Variants in CWF19L2 observed in about 807,000 individuals in gnomAD.
CWF19L2 encodes CWF19-like protein 2.
In CWF19L2, 98 loss-of-function variants were observed where a neutral mutation model predicts 111.7. The observed-to-expected ratio is 0.88, with a 90% CI of 0.75 to 1.04. The LOEUF (loss-of-function observed/expected upper bound fraction) is 1.04, where lower values mean the gene tolerates loss of function less well. CWF19L2 is among the 50% of genes least tolerant of loss of function. The pLI is 0.00. For missense variants in CWF19L2, 1,101 were observed against 1,051.4 expected, an observed-to-expected ratio of 1.05 and a Z score of -0.65; for synonymous variants, 351 against 342.9, an observed-to-expected ratio of 1.02 and a Z score of -0.26.
chr11:107,409,317 T>G (rs908304343), intron 10 of CWF19L2, among the ~76,000 whole-genome samples: 28 of 152,228 alleles, frequency 1.8e-4, no homozygotes, highest in South Asian at 4.1e-4. Context: ...GTTTATTTAT[T>G]AATGTTTCTC....
intron 8 of CWF19L2, among the ~76,000 whole-genome samples, chr11:107,422,513 T>C (rs1861316563): frequency 6.6e-6 from 1 of 151,970 alleles, no homozygotes; most frequent in South Asian, 2.1e-4. Context: ...TGAGAACATA[T>C]GCATTTCAAA....
intron 8 of CWF19L2, among the ~76,000 whole-genome samples, chr11:107,425,399 A>AT (rs1861361429): frequency 1.3e-5 from 2 of 152,030 alleles, no homozygotes; most frequent in South Asian, 4.1e-4. Context: ...TTATGTTTAG[A>AT]TACACAAATA....
At chr11:107,440,559 ACT>A (rs1199146106) in intron 5 of CWF19L2, among the ~76,000 whole-genome samples, 1 of 152,124 alleles carries the variant, frequency 6.6e-6, no homozygotes, top group Non-Finnish European at 1.5e-5. Flanking sequence ...TGGTCTTAAG[ACT>A]CTCAAAAATA....
chr11:107,342,584 A>C (rs181040841), intron 14 of CWF19L2, among the ~76,000 whole-genome samples: 4 of 152,210 alleles, frequency 2.6e-5, no homozygotes, highest in African/African-American at 7.2e-5. Flanking sequence ...GATAGAGTCT[A>C]TGCTCTGAAA....
chr11:107,414,821 A>T (rs1861203365), intron 10 of CWF19L2, among the ~76,000 whole-genome samples: 1 of 152,194 alleles, frequency 6.6e-6, no homozygotes, highest in Non-Finnish European at 1.5e-5. Context: ...ATATATACAT[A>T]AAGTATTTAT....
intron 10 of CWF19L2, chr11:107,403,549 A>AG: frequency 1.2e-6 from 1 of 800,220 alleles, no homozygotes; most frequent in Non-Finnish European, 2.3e-6. Flanking sequence ...CCTCAGTAGT[A>AG]GACGTGCCTT....
At chr11:107,434,958 G>A (rs1297626892) in intron 6 of CWF19L2, among the ~76,000 whole-genome samples, 1 of 151,904 alleles carries the variant, frequency 6.6e-6, no homozygotes, top group African/African-American at 2.4e-5. Flanking sequence ...GTGTATTTAT[G>A]TACATATATA....
At chr11:107,432,525 G>A (rs1378937115) in intron 7 of CWF19L2, among the ~76,000 whole-genome samples, 1 of 152,244 alleles carries the variant, frequency 6.6e-6, no homozygotes, top group East Asian at 1.9e-4. Flanking sequence ...AGAGGTTGCA[G>A]TGAGCTGAGA....
At chr11:107,331,670 T>A (rs1196842403) in intron 16 of CWF19L2, among the ~76,000 whole-genome samples, 1 of 152,248 alleles carries the variant, frequency 6.6e-6, no homozygotes, top group Non-Finnish European at 1.5e-5. Context: ...AATAAATCTA[T>A]GGCGTTTTAG....
At position 107,353,746 on chromosome 11, in the gene CWF19L2, C is replaced by CG. The variant is rs1565249405; in HGVS notation, c.1873-11_1873-10insC. ...CTGTTTTTCCCATAAACTGAAAAAC[C>CG]AAAATAACAGTAATAGAGAGTAGAA... On this transcript the variant is annotated splice_polypyrimidine_tract_variant and intron_variant, in intron 12 of 17. Coordinates refer to ENST00000282251, the MANE Select transcript of CWF19L2 (RefSeq NM_152434.3). 1.2e-6 allele frequency: 2 copies of CG among 1,607,560 alleles called. No homozygotes were observed. The highest frequency in any genetic ancestry group is 2.2e-5 in the South Asian group (2 of 90,884).
At chr11:107,436,268 T>C (rs950087833) in intron 6 of CWF19L2, among the ~76,000 whole-genome samples, 3 of 152,028 alleles carry the variant, frequency 2.0e-5, no homozygotes, top group Non-Finnish European at 4.4e-5. Flanking sequence ...CAAATAATTA[T>C]ATAAATTCAC....
At chr11:107,335,108 T>C in intron 15 of CWF19L2, 147 bp from the exon 16 acceptor site, 1 of 500,098 alleles carries the variant, frequency 2.0e-6, no homozygotes, top group Non-Finnish European at 3.5e-6. Flanking sequence ...TTTTAGTTAT[T>C]TAAAATAAGA....
At chr11:107,434,703 C>G (rs937588109) in intron 6 of CWF19L2, among the ~76,000 whole-genome samples, 1 of 142,410 alleles carries the variant, frequency 7.0e-6, no homozygotes, top group Non-Finnish European at 1.5e-5. Context: ...AAAACTACAA[C>G]TATATACAAC....
At position 107,326,557 on chromosome 11, in the gene CWF19L2, C is replaced by T. The variant is rs1859763461; in HGVS notation, c.*353G>A. On this transcript the variant is annotated 3_prime_UTR_variant, in exon 18 of 18. Transcript: ENST00000282251. Reference sequence around the variant, plus strand: ...GTAGACTTAACAACCATGAAGCAGACCCACTTCCCTCTGAACCAAGGATTT... The same window carrying T: ...GTAGACTTAACAACCATGAAGCAGATCCACTTCCCTCTGAACCAAGGATTT... 1.1e-5 allele frequency: 2 copies of T among 174,612 alleles called. No individual in the cohort carries two copies. Among genetic ancestry groups the T allele is most frequent in the African/African-American group, 4.7e-5 (2 of 42,510 alleles). 10.8% of individuals were successfully genotyped at this position (174,612 alleles called of 1,614,324 possible).
chr11:107,340,985 T>C lies in CWF19L2; in HGVS notation c.2203-4272A>G, dbSNP rs1480098022. Among the ~76,000 whole-genome samples, 5 of 152,220 alleles carry C rather than the reference T, an allele frequency of 3.3e-5. No homozygotes were observed. In the South Asian group the frequency reaches 1.0e-3, roughly 32 times the overall value. On this transcript the variant is annotated intron_variant, in intron 14 of 17. Coordinates refer to ENST00000282251, the MANE Select transcript of CWF19L2 (RefSeq NM_152434.3). ...TCTTCCAAATCAATTCTCATGGCAT[T>C]TTTGAGATCTTTTACAGACAACTGC...
chr11:107,353,032 T>C (rs976707), intron 13 of CWF19L2, among the ~76,000 whole-genome samples: 33,067 of 152,062 alleles, frequency 0.22, 3,843 homozygotes, highest in African/African-American at 0.29. Flanking sequence ...ATTTTATGCA[T>C]CTTTACTAAA....
intron 16 of CWF19L2, among the ~76,000 whole-genome samples, chr11:107,333,221 C>A (rs1156274085): frequency 6.6e-6 from 1 of 152,090 alleles, no homozygotes; most frequent in East Asian, 1.9e-4. Flanking sequence ...TCTTTGAAAT[C>A]CTTTAAAACT....
At chr11:107,379,014 A>C (rs1363052497) in intron 12 of CWF19L2, among the ~76,000 whole-genome samples, 1 of 152,146 alleles carries the variant, frequency 6.6e-6, no homozygotes, top group Admixed American at 6.5e-5. Flanking sequence ...AGATAGTAGT[A>C]CTACACAATG....
intron 12 of CWF19L2, among the ~76,000 whole-genome samples, chr11:107,375,926 G>A (rs1194411121): frequency 8.6e-5 from 6 of 69,654 alleles, no homozygotes; most frequent in East Asian, 3.8e-4. Flanking sequence ...AAATGATAAA[G>A]GGGATATCAC....
Sources: allele counts gnomAD v4.1 joint callset (sites outside exome capture counted in the v4.1 genomes callset), GRCh38; gene constraint gnomAD v4.1.1; transcripts MANE v1.5; gene names NCBI Gene and HGNC (gene_info 2026-07-23, HGNC 2026-07-21).